CPQ: variants seen among roughly 807,000 people sequenced by gnomAD.
The protein encoded by CPQ is Ser-Met dipeptidase.
CPQ carries 37 observed loss-of-function variants against 45.7 expected under a neutral mutation model. That is an observed-to-expected ratio of 0.81 (90% CI 0.62 to 1.07). The LOEUF (loss-of-function observed/expected upper bound fraction) is 1.07. CPQ is among the 50% of genes least tolerant of loss of function. CPQ has a pLI of 0.00. For missense variants in CPQ, 537 were observed against 572.9 expected, an observed-to-expected ratio of 0.94 and a Z score of 0.64; for synonymous variants, 186 against 205.8, an observed-to-expected ratio of 0.90 and a Z score of 0.82.
intron 5 of CPQ, among the ~76,000 whole-genome samples, chr8:97,027,663 T>C (rs1809825318): frequency 6.6e-6 from 1 of 152,180 alleles, no homozygotes; most frequent in Non-Finnish European, 1.5e-5. Context: ...CAGAAGACTT[T>C]TAGAAGATGA....
chr8:97,097,001 G>A (rs1811220646), intron 7 of CPQ, among the ~76,000 whole-genome samples: 1 of 152,184 alleles, frequency 6.6e-6, no homozygotes, highest in South Asian at 2.1e-4. Flanking sequence ...GCTATACTGA[G>A]GCTTCATATA....
chr8:96,681,629 T>A (rs945860409), intron 1 of CPQ, among the ~76,000 whole-genome samples: 3 of 152,194 alleles, frequency 2.0e-5, no homozygotes, highest in Non-Finnish European at 4.4e-5. Context: ...AAACCCTACT[T>A]CAGCATTGTC....
At chr8:97,057,642 G>A (rs1031489102) in intron 6 of CPQ, among the ~76,000 whole-genome samples, 8 of 152,262 alleles carry the variant, frequency 5.3e-5, no homozygotes, top group East Asian at 3.9e-4. Flanking sequence ...CACCTACTAT[G>A]TGCTTAGTTC....
At chr8:97,015,417 T>TAA (rs570902004) in intron 5 of CPQ, among the ~76,000 whole-genome samples, 3,937 of 145,326 alleles carry the variant, frequency 0.027, 103 homozygotes, top group African/African-American at 0.075. Context: ...CAATTTAAAT[T>TAA]AAAAAAAAAA....
intron 4 of CPQ, among the ~76,000 whole-genome samples, chr8:96,958,912 GAAAA>G (rs34511194): frequency 7.6e-6 from 1 of 131,184 alleles, no homozygotes; most frequent in African/African-American, 2.8e-5. Flanking sequence ...CAGCTTCACT[GAAAA>G]AAAAAAAAAA....
intron 3 of CPQ, among the ~76,000 whole-genome samples, chr8:96,862,719 T>G (rs1811942850): frequency 6.6e-6 from 1 of 152,094 alleles, no homozygotes. Context: ...AAAACCCTGA[T>G]TTTTAGCTGG....
At chr8:96,870,655 AG>A (rs1301435438) in intron 3 of CPQ, among the ~76,000 whole-genome samples, 3 of 151,988 alleles carry the variant, frequency 2.0e-5, no homozygotes, top group African/African-American at 7.2e-5. Flanking sequence ...AGTCCTTCAC[AG>A]GGTTGTAATA....
intron 2 of CPQ, among the ~76,000 whole-genome samples, chr8:96,785,945 C>T (rs999610227): frequency 4.6e-5 from 7 of 152,078 alleles, no homozygotes; most frequent in South Asian, 2.1e-4. Context: ...GGCAGAAGAA[C>T]GAGTTTCTAT....
chr8:97,056,337 CAGTA>C (rs1490774294), intron 6 of CPQ: 2 of 152,074 alleles, frequency 1.3e-5, no homozygotes, highest in African/African-American at 4.8e-5. Flanking sequence ...GGTTCCAACA[CAGTA>C]AGTGTGATAG....
At chr8:97,030,438 T>C (rs1429249539) in intron 6 of CPQ, among the ~76,000 whole-genome samples, 1 of 152,128 alleles carries the variant, frequency 6.6e-6, no homozygotes, top group African/African-American at 2.4e-5. Context: ...GAGTTCAAAG[T>C]CATGAATTTG....
At chr8:96,883,925 CAT>C (rs1204023238) in intron 4 of CPQ, among the ~76,000 whole-genome samples, 6 of 152,142 alleles carry the variant, frequency 3.9e-5, no homozygotes, top group Non-Finnish European at 8.8e-5. Flanking sequence ...CTTCTCAACA[CAT>C]GTTTTATTTT....
intron 1 of CPQ, among the ~76,000 whole-genome samples, chr8:96,691,180 G>A (rs1319151754): frequency 6.6e-6 from 1 of 152,160 alleles, no homozygotes; most frequent in East Asian, 1.9e-4. Context: ...GGTTCTAGGG[G>A]AAGAATTCTT....
intron 4 of CPQ, among the ~76,000 whole-genome samples, chr8:96,884,660 A>T (rs1175307193): frequency 6.6e-6 from 1 of 152,224 alleles, no homozygotes; most frequent in Non-Finnish European, 1.5e-5. Context: ...TGATGGTGAA[A>T]GGCAATGTCT....
At chr8:96,780,324 A>G (rs1395123870) in intron 1 of CPQ, among the ~76,000 whole-genome samples, 2 of 152,116 alleles carry the variant, frequency 1.3e-5, no homozygotes, top group Non-Finnish European at 2.9e-5. Context: ...CTGTAAGTGG[A>G]GGCATTTGCC....
intron 6 of CPQ, among the ~76,000 whole-genome samples, chr8:97,061,476 C>T (rs1326819370): frequency 6.6e-6 from 1 of 152,112 alleles, no homozygotes. Flanking sequence ...GTTGAGAGCA[C>T]TGCTTAGGAG....
intron 5 of CPQ, among the ~76,000 whole-genome samples, chr8:97,018,019 C>T (rs1008588428): frequency 6.6e-6 from 1 of 152,172 alleles, no homozygotes; most frequent in Non-Finnish European, 1.5e-5. Context: ...AGAGCAGATG[C>T]TAATATCCAT....
intron 4 of CPQ, among the ~76,000 whole-genome samples, chr8:96,897,593 A>C (rs1812459878): frequency 6.6e-6 from 1 of 152,220 alleles, no homozygotes; most frequent in Non-Finnish European, 1.5e-5. Context: ...ATAATTAAAA[A>C]TTTGTATGAA....
chr8:96,683,176 T>G lies in CPQ; in HGVS notation c.-35+37774T>G, dbSNP rs542386410. Among the ~76,000 whole-genome samples the G allele has an allele frequency of 3.9e-5, 6 of 152,278 alleles. No individual in the cohort carries two copies. In the South Asian group the frequency reaches 1.2e-3, roughly 32 times the overall value. On this transcript the variant is annotated intron_variant, in intron 1 of 7. Coordinates refer to ENST00000220763, the MANE Select transcript of CPQ (RefSeq NM_016134.4). ...ATCCATTTGCTTTCAGATGTAGGATTCCGTTAAGTATTTCCTGCAGGGCTG... is the reference window on the plus strand; with the variant it reads ...ATCCATTTGCTTTCAGATGTAGGATGCCGTTAAGTATTTCCTGCAGGGCTG...
intron 1 of CPQ, among the ~76,000 whole-genome samples, chr8:96,676,232 A>G (rs540477602): frequency 5.9e-5 from 9 of 152,044 alleles, no homozygotes; most frequent in Non-Finnish European, 1.2e-4. Context: ...ACGTTTCTGT[A>G]TATAACCAAT....
Sources: gnomAD v4.1 joint callset for allele counts (sites outside exome capture counted in the v4.1 genomes callset) on GRCh38, gnomAD v4.1.1 for gene constraint, MANE v1.5 for transcripts, NCBI Gene and HGNC (gene_info 2026-07-23, HGNC 2026-07-21) for gene names.